Variants in GATAD2A observed in about 807,000 individuals in gnomAD.
GATAD2A encodes the protein transcriptional repressor p66-alpha.
In GATAD2A, 12 loss-of-function variants were observed where a neutral mutation model predicts 68.5. The observed-to-expected ratio is 0.18, with a 90% CI of 0.11 to 0.28. GATAD2A has a LOEUF of 0.28. Among genes scored for constraint, GATAD2A ranks in the 10% least tolerant of loss-of-function variants. The probability of loss-of-function intolerance (pLI) is 1.00; values close to 1 mark genes in which losing one functional copy is unlikely to be tolerated. For synonymous variants in GATAD2A, 410 were observed against 375.3 expected (o/e 1.09, Z -1.07); for missense variants, 755 against 868.5 (o/e 0.87, Z 1.64).
chr19:19,505,896 G>GT lies in GATAD2A; in HGVS notation c.*425dup, dbSNP rs1600324550. ...CCGGGGCTTCTGAACCGAGCGGGGT[G>GT]TTTCATTTTTTTGCTTTTCCCTGTC... On this transcript the variant is annotated 3_prime_UTR_variant, in exon 12 of 12. Transcript: ENST00000683918. The GT allele has an allele frequency of 2.5e-6, 1 of 398,874 alleles. No individual in the cohort carries two copies. Among genetic ancestry groups the GT allele is most frequent in the East Asian group, 3.6e-5 (1 of 28,076 alleles). 24.7% of individuals were successfully genotyped at this position (398,874 alleles called of 1,614,324 possible). A position where few individuals can be genotyped will look rare whatever the true frequency, so the allele number is the denominator to read the frequency against.
chr19:19,502,637 C>A, intron 11 of GATAD2A, 111 bp downstream of exon 11: 1 of 798,494 alleles, frequency 1.3e-6, no homozygotes, highest in Non-Finnish European at 2.0e-6. Context: ...GCCCGCTTCC[C>A]AAGCTCAGCC....
At chr19:19,422,103 G>A (rs534761266) in intron 1 of GATAD2A, among the ~76,000 whole-genome samples, 6 of 152,296 alleles carry the variant, frequency 3.9e-5, no homozygotes, top group East Asian at 3.9e-4. Context: ...GATTACAGGC[G>A]TGAGCCACTG....
At chr19:19,421,407 A>G (rs1312351022) in intron 1 of GATAD2A, among the ~76,000 whole-genome samples, 2 of 151,090 alleles carry the variant, frequency 1.3e-5, no homozygotes, top group African/African-American at 2.5e-5. Flanking sequence ...TGTCCATACC[A>G]GTTTCCCAGG....
intron 8 of GATAD2A, among the ~76,000 whole-genome samples, chr19:19,499,239 C>T (rs558719327): frequency 6.6e-6 from 1 of 152,320 alleles, no homozygotes; most frequent in South Asian, 2.1e-4. Flanking sequence ...ACGGGGTGAT[C>T]ACAGCATTGG....
intron 1 of GATAD2A, among the ~76,000 whole-genome samples, chr19:19,387,621 C>T (rs546508930): frequency 7.2e-5 from 11 of 152,074 alleles, no homozygotes; most frequent in East Asian, 1.9e-4. Flanking sequence ...GCCTGGCCCC[C>T]GCTTTTTGAT....
chr19:19,413,248 C>T (rs2051179126), intron 1 of GATAD2A, among the ~76,000 whole-genome samples: 1 of 150,592 alleles, frequency 6.6e-6, no homozygotes, highest in African/African-American at 2.5e-5. Context: ...CTGCTACCAC[C>T]TTCGTTCACA....
chr19:19,390,905 C>T (rs932500884), intron 1 of GATAD2A, among the ~76,000 whole-genome samples: 11 of 152,104 alleles, frequency 7.2e-5, no homozygotes, highest in African/African-American at 2.4e-4. Context: ...TGACGCCACA[C>T]AATAATAGTA....
In GATAD2A at chr19:19,506,273, C is replaced by A; in HGVS notation, c.*799C>A. On this transcript the variant is annotated 3_prime_UTR_variant, in exon 12 of 12. Coordinates refer to ENST00000683918, the MANE Select transcript of GATAD2A (RefSeq NM_001384528.1). ...GAACAAACTGAAGAACAGACCCAGC[C>A]AGAGAAGCAGGGATTCCAGAAGCTG... 2.5e-6 allele frequency: 1 copy of A among 398,132 alleles called. No individual in the cohort carries two copies. The highest frequency in any genetic ancestry group is 1.4e-4 in the South Asian group (1 of 7,096). The allele number at this position is 398,132 out of a possible 1,614,324, so 24.7% of individuals were successfully genotyped here. A position where few individuals can be genotyped will look rare whatever the true frequency, so the allele number is the denominator to read the frequency against.
intron 1 of GATAD2A, among the ~76,000 whole-genome samples, chr19:19,451,644 G>A (rs2056400862): frequency 6.6e-6 from 1 of 152,132 alleles, no homozygotes. Context: ...GAAGTAGGCG[G>A]GTGGGAATGC....
At chr19:19,502,289 CT>C in intron 10 of GATAD2A, 41 bp from the exon 11 acceptor site, 4 of 1,476,700 alleles carry the variant, frequency 2.7e-6, no homozygotes, top group African/African-American at 1.4e-5. Context: ...CTGCTGCTGT[CT>C]TTTCCCTGCA....
At chr19:19,499,835 G>A (rs1342726600) in intron 8 of GATAD2A, among the ~76,000 whole-genome samples, 6 of 152,018 alleles carry the variant, frequency 3.9e-5, no homozygotes, top group South Asian at 2.1e-4. Context: ...TAACTGCAGC[G>A]TGCCCCAAGG....
At chr19:19,439,832 A>G (rs1349490795) in intron 1 of GATAD2A, among the ~76,000 whole-genome samples, 1 of 152,164 alleles carries the variant, frequency 6.6e-6, no homozygotes, top group East Asian at 1.9e-4. Flanking sequence ...TGGGTGACAA[A>G]GTGAGACCGT....
intron 1 of GATAD2A, among the ~76,000 whole-genome samples, chr19:19,394,608 G>A (rs2049087246): frequency 6.6e-6 from 1 of 152,146 alleles, no homozygotes; most frequent in African/African-American, 2.4e-5. Context: ...TGCCATGCCT[G>A]GCTAATTTTT....
At chr19:19,446,375 G>A in intron 1 of GATAD2A, among the ~76,000 whole-genome samples, 1 of 151,888 alleles carries the variant, frequency 6.6e-6, no homozygotes, top group East Asian at 1.9e-4. Flanking sequence ...TTTTTTAATT[G>A]GGTTGCTTGT....
chr19:19,449,040 C>T (rs147728915), intron 1 of GATAD2A, among the ~76,000 whole-genome samples: 2 of 152,240 alleles, frequency 1.3e-5, no homozygotes, highest in African/African-American at 2.4e-5. Context: ...TCATCTGTGT[C>T]TCTGGAAGAT....
chr19:19,444,892 C>T (rs945789229), intron 1 of GATAD2A, among the ~76,000 whole-genome samples: 2 of 115,288 alleles, frequency 1.7e-5, no homozygotes, highest in Non-Finnish European at 3.6e-5. Flanking sequence ...AAAAAAAAAG[C>T]CACCATGGCA....
chr19:19,473,532 G>A (rs978662099), intron 2 of GATAD2A, among the ~76,000 whole-genome samples: 2 of 152,074 alleles, frequency 1.3e-5, no homozygotes, highest in African/African-American at 2.4e-5. Flanking sequence ...CCAAGAGGGC[G>A]GTGGGGTGAC....
At chr19:19,412,478 A>G (rs2051075872) in intron 1 of GATAD2A, among the ~76,000 whole-genome samples, 1 of 151,984 alleles carries the variant, frequency 6.6e-6, no homozygotes, top group Non-Finnish European at 1.5e-5. Flanking sequence ...TTAAAAAAAA[A>G]AAAATTAGCC....
chr19:19,414,386 A>G (rs942617645), intron 1 of GATAD2A, among the ~76,000 whole-genome samples: 1 of 152,048 alleles, frequency 6.6e-6, no homozygotes, highest in African/African-American at 2.4e-5. Flanking sequence ...GAATGAGGAT[A>G]TATCCCTGTT....
Sources: gnomAD v4.1 joint callset for allele counts (sites outside exome capture counted in the v4.1 genomes callset) on GRCh38, gnomAD v4.1.1 for gene constraint, MANE v1.5 for transcripts, NCBI Gene and HGNC (gene_info 2026-07-23, HGNC 2026-07-21) for gene names.